Variants in ARL15 observed in about 807,000 individuals in gnomAD.
ARL15 encodes ARF like GTPase 15.
In ARL15, 19 loss-of-function variants were observed where a neutral mutation model predicts 25.2. The observed-to-expected ratio is 0.75, with a 90% CI of 0.53 to 1.10. The LOEUF (loss-of-function observed/expected upper bound fraction) is 1.10. Ranked by LOEUF, ARL15 falls within the 50% of genes least tolerant of loss-of-function variation. The pLI is 0.00. For synonymous variants in ARL15, 94 were observed against 86.8 expected (o/e 1.08, Z -0.46); for missense variants, 220 against 246.0 (o/e 0.89, Z 0.71).
At chr5:54,216,554 G>A (rs33284) in intron 1 of ARL15, among the ~76,000 whole-genome samples, 47,139 of 151,998 alleles carry the variant, frequency 0.31, 7,803 homozygotes, top group Middle Eastern at 0.4. Context: ...TAAGCTATGC[G>A]CAAATTCCCA....
chr5:53,933,642 CAAAAAAAA>C (rs34912827), intron 4 of ARL15, among the ~76,000 whole-genome samples: 6 of 76,002 alleles, frequency 7.9e-5, no homozygotes, highest in African/African-American at 3.1e-4. Context: ...GAGACTGTCT[CAAAAAAAA>C]AAAAAAAAAA....
At chr5:54,097,318 A>AAAAC (rs1554040161) in intron 4 of ARL15, among the ~76,000 whole-genome samples, 1 of 151,772 alleles carries the variant, frequency 6.6e-6, no homozygotes, top group Admixed American at 6.6e-5. Context: ...TCCATCTCAA[A>AAAAC]AAACAAACAA....
At chr5:54,150,668 C>A (rs935235477) in intron 3 of ARL15, among the ~76,000 whole-genome samples, 1 of 151,870 alleles carries the variant, frequency 6.6e-6, no homozygotes, top group Non-Finnish European at 1.5e-5. Context: ...TGCGGTGGCT[C>A]ATGCCTGTAA....
At chr5:54,137,828 G>A (rs2112299075) in intron 3 of ARL15, among the ~76,000 whole-genome samples, 1 of 151,858 alleles carries the variant, frequency 6.6e-6, no homozygotes, top group Non-Finnish European at 1.5e-5. Context: ...GTTGGGCATG[G>A]TGGATTTCAG....
intron 4 of ARL15, among the ~76,000 whole-genome samples, chr5:53,924,674 C>T (rs1316969879): frequency 5.3e-5 from 8 of 152,156 alleles, no homozygotes; most frequent in East Asian, 3.8e-4. Context: ...GGCTGCTCAC[C>T]GTAACTCCCC....
intron 2 of ARL15, among the ~76,000 whole-genome samples, chr5:54,164,937 CCTTTT>C (rs1202320923): frequency 6.6e-6 from 1 of 151,730 alleles, no homozygotes; most frequent in African/African-American, 2.4e-5. Context: ...TTCTTGTTCC[CCTTTT>C]CTTCTTTTTC....
At chr5:53,976,515 T>C (rs576226086) in intron 4 of ARL15, among the ~76,000 whole-genome samples, 2 of 152,296 alleles carry the variant, frequency 1.3e-5, no homozygotes, top group South Asian at 4.1e-4. Context: ...GGGACTGAGA[T>C]GAGTAGATTT....
rs74744045 is a variant in ARL15 at position 54,030,460 on chromosome 5, T to C, written c.462+82742A>G. On this transcript the variant is annotated intron_variant, in intron 4 of 4. Transcript: ENST00000504924. ...AAAAGTCTTTTCAATTTTATGTCTT[T>C]GGATTTTTACATTTTGAACACTGAA... Among the ~76,000 whole-genome samples the C allele has an allele frequency of 7.2e-3, 1,096 of 152,326 alleles. 6 individuals are homozygous for C. Among genetic ancestry groups the C allele is most frequent in the Admixed American group, 8.2e-3 (126 of 15,302 alleles).
intron 4 of ARL15, among the ~76,000 whole-genome samples, chr5:54,063,048 A>AGTAGAATCATTTAT (rs1361550716): frequency 1.3e-5 from 2 of 152,354 alleles, no homozygotes; most frequent in African/African-American, 4.8e-5. Context: ...ATGCTTTCAC[A>AGTAGAATCATTTAT]GTAGAATCAT....
chr5:54,270,606 C>T (rs1231512091), intron 1 of ARL15, among the ~76,000 whole-genome samples: 1 of 152,208 alleles, frequency 6.6e-6, no homozygotes, highest in Admixed American at 6.5e-5. Flanking sequence ...ACTGGAGATA[C>T]AGCAATGAAC....
chr5:54,031,267 G>C (rs1749974598), intron 4 of ARL15, among the ~76,000 whole-genome samples: 1 of 152,080 alleles, frequency 6.6e-6, no homozygotes, highest in Non-Finnish European at 1.5e-5. Context: ...CATCACTTTG[G>C]GAAAGATAAC....
At chr5:53,919,944 A>C (rs1745791993) in intron 4 of ARL15, among the ~76,000 whole-genome samples, 1 of 152,162 alleles carries the variant, frequency 6.6e-6, no homozygotes, top group Non-Finnish European at 1.5e-5. Flanking sequence ...AATTTTTTAA[A>C]ATAAGGGAAT....
intron 1 of ARL15, among the ~76,000 whole-genome samples, chr5:54,193,958 G>A (rs1327987116): frequency 1.3e-5 from 2 of 151,988 alleles, no homozygotes; most frequent in African/African-American, 4.8e-5. Flanking sequence ...TTGGGGGCAT[G>A]GATGATATTA....
chr5:53,887,005 A>T (rs1036883521), intron 4 of ARL15, among the ~76,000 whole-genome samples: 2 of 152,148 alleles, frequency 1.3e-5, no homozygotes, highest in Non-Finnish European at 2.9e-5. Context: ...AATTATTTGC[A>T]CTATGGCACC....
chr5:54,079,869 C>A, intron 4 of ARL15, among the ~76,000 whole-genome samples: 1 of 151,838 alleles, frequency 6.6e-6, no homozygotes, highest in Admixed American at 6.6e-5. Flanking sequence ...ACTCAGGAGG[C>A]TGGGGCCAGA....
At chr5:54,166,726 A>G (rs1321734320) in intron 2 of ARL15, among the ~76,000 whole-genome samples, 2 of 150,622 alleles carry the variant, frequency 1.3e-5, no homozygotes, top group African/African-American at 4.8e-5. Flanking sequence ...CTCTATGAAC[A>G]GATACAATAC....
intron 1 of ARL15, among the ~76,000 whole-genome samples, chr5:54,234,730 A>ATT (rs1264430893): frequency 1.3e-5 from 2 of 152,250 alleles, no homozygotes; most frequent in Non-Finnish European, 2.9e-5. Flanking sequence ...CTGTGTCAAA[A>ATT]AAGAGTAAAA....
At chr5:54,258,720 G>A (rs1757427552) in intron 1 of ARL15, among the ~76,000 whole-genome samples, 1 of 152,144 alleles carries the variant, frequency 6.6e-6, no homozygotes, top group African/African-American at 2.4e-5. Flanking sequence ...GGAATGGAAG[G>A]AGAGGGGCAT....
intron 4 of ARL15, among the ~76,000 whole-genome samples, chr5:54,034,807 C>T (rs1006615414): frequency 6.6e-6 from 1 of 151,708 alleles, no homozygotes. Context: ...TACAAAAGCA[C>T]ATGCCGCCAC....
Sources: gnomAD v4.1 joint callset for allele counts (sites outside exome capture counted in the v4.1 genomes callset) on GRCh38, gnomAD v4.1.1 for gene constraint, MANE v1.5 for transcripts, NCBI Gene and HGNC (gene_info 2026-07-23, HGNC 2026-07-21) for gene names.